Variants in USP49 observed in about 807,000 individuals in gnomAD.
USP49 encodes the protein ubiquitin specific peptidase 49.
USP49 carries 24 observed loss-of-function variants against 58.6 expected under a neutral mutation model. The ratio of observed to expected loss-of-function variants is 0.41; its 90% CI spans 0.30 to 0.58. The LOEUF is 0.58. USP49 is among the 20% of genes least tolerant of loss of function. The pLI, the probability that USP49 is intolerant of heterozygous loss-of-function variation, is 0.30. For missense variants in USP49, 703 were observed against 866.1 expected (o/e 0.81, Z 2.36); for synonymous variants, 408 against 365.1 (o/e 1.12, Z -1.34).
At chr6:41,893,619 C>A (rs1016324945) in intron 1 of USP49, among the ~76,000 whole-genome samples, 4 of 152,118 alleles carry the variant, frequency 2.6e-5, no homozygotes, top group African/African-American at 9.7e-5. Context: ...ATTATCACAA[C>A]ACTAGTGAAA....
At chr6:41,802,468 AT>A (rs1178634996) in intron 5 of USP49, among the ~76,000 whole-genome samples, 2,875 of 73,540 alleles carry the variant, frequency 0.039, 169 homozygotes, top group Admixed American at 0.11. Context: ...TTATTTATTT[AT>A]TTTTTATTTA....
rs1419508627 is a variant in USP49 at position 41,792,776 on chromosome 6, C to G, written c.*3757G>C. Reference sequence around the variant, plus strand: ...ATGTCCTTTAAACACTACACAGACCCATTTGCCACTTGAAATGACAAGAAG... The same window carrying G: ...ATGTCCTTTAAACACTACACAGACCGATTTGCCACTTGAAATGACAAGAAG... On this transcript the variant is annotated 3_prime_UTR_variant, in exon 8 of 8. Coordinates refer to ENST00000682992, the MANE Select transcript of USP49 (RefSeq NM_001286554.2). 2 of 152,236 alleles carry G rather than the reference C, an allele frequency of 1.3e-5. No homozygotes were observed. Among genetic ancestry groups the G allele is most frequent in the African/African-American group, 2.4e-5 (1 of 41,450 alleles). 9.4% of individuals were successfully genotyped at this position (152,236 alleles called of 1,614,324 possible).
intron 3 of USP49, among the ~76,000 whole-genome samples, chr6:41,865,342 G>A (rs969967194): frequency 3.9e-5 from 6 of 152,140 alleles, no homozygotes; most frequent in African/African-American, 1.4e-4. Flanking sequence ...ACAGCACCCA[G>A]CCCTCATTTT....
intron 3 of USP49, among the ~76,000 whole-genome samples, chr6:41,859,138 GC>G (rs1774178076): frequency 6.6e-6 from 1 of 152,140 alleles, no homozygotes. Context: ...CATTCTCACT[GC>G]CTTGGGGAGA....
At chr6:41,796,916 C>CCT (rs1374197312) in intron 7 of USP49, among the ~76,000 whole-genome samples, 193 bp from the exon 8 acceptor site, 1 of 151,836 alleles carries the variant, frequency 6.6e-6, no homozygotes, top group African/African-American at 2.4e-5. Flanking sequence ...CCCACCAAGC[C>CCT]CCACGGTACT....
At chr6:41,830,578 G>A (rs1322992325) in intron 3 of USP49, among the ~76,000 whole-genome samples, 2 of 152,224 alleles carry the variant, frequency 1.3e-5, no homozygotes, top group African/African-American at 2.4e-5. Context: ...TGTAATCTCA[G>A]TACTTTGGAA....
chr6:41,800,173 T>C (rs2127318364), intron 5 of USP49, among the ~76,000 whole-genome samples: 2 of 152,350 alleles, frequency 1.3e-5, no homozygotes, highest in Admixed American at 1.3e-4. Context: ...TGTGGGACTC[T>C]GCTTAGACAG....
At chr6:41,801,975 G>C (rs1280506008) in intron 5 of USP49, among the ~76,000 whole-genome samples, 1 of 151,198 alleles carries the variant, frequency 6.6e-6, no homozygotes, top group Non-Finnish European at 1.5e-5. Flanking sequence ...TGGAGTTAAA[G>C]CTGTTAATAT....
rs539084415 is a variant in USP49 at position 41,829,501 on chromosome 6, T to C, written c.-28-22490A>G. Among the ~76,000 whole-genome samples, 6 of 152,234 alleles carry C rather than the reference T, an allele frequency of 3.9e-5. No individual in the cohort carries two copies. In the South Asian group the frequency reaches 1.2e-3, roughly 32 times the overall value. ...GCTAATTTTGTATTTTTAGTAGAGA[T>C]GGGGTTTCTCCATGTTGGTCAGGCT... On this transcript the variant is annotated intron_variant, in intron 3 of 7. Transcript: ENST00000682992.
chr6:41,818,468 G>C lies in USP49; in HGVS notation c.-28-11457C>G, dbSNP rs1482951018. On this transcript the variant is annotated intron_variant, in intron 3 of 7. Transcript: ENST00000682992. ...TTGGCTGGGTAAGGATTAAGCTTCA[G>C]AGCTTAGTAGTTTGTGCTGCCTCCA... Among the ~76,000 whole-genome samples the C allele has an allele frequency of 2.6e-5, 4 of 152,164 alleles. No homozygotes were observed. In the South Asian group the frequency reaches 8.3e-4, roughly 31 times the overall value.
At chr6:41,798,004 A>C (rs1354887246) in intron 7 of USP49, 1 of 177,580 alleles carries the variant, frequency 5.6e-6, no homozygotes, top group African/African-American at 2.4e-5. Flanking sequence ...AGTAGCTAGG[A>C]TCACAGGTGC....
chr6:41,851,518 A>G (rs997292291), intron 3 of USP49, among the ~76,000 whole-genome samples: 6 of 152,250 alleles, frequency 3.9e-5, no homozygotes, highest in Non-Finnish European at 7.3e-5. Context: ...AAACCCTCAC[A>G]GATAATATCA....
intron 3 of USP49, among the ~76,000 whole-genome samples, chr6:41,846,992 G>C (rs964153365): frequency 1.3e-5 from 2 of 152,188 alleles, no homozygotes; most frequent in African/African-American, 4.8e-5. Context: ...CAAGAGGTCA[G>C]AAAAAGGTTG....
chr6:41,799,824 G>A lies in USP49; in HGVS notation c.1670+6C>T. On this transcript the variant is annotated splice_donor_region_variant and intron_variant, in intron 6 of 7. Transcript: ENST00000682992. Reference sequence around the variant, plus strand: ...CACCCAGCTGGGACTCCCACAGCAAGCTCACCTGAATCTTTTAAGGTGCAG... The same window carrying A: ...CACCCAGCTGGGACTCCCACAGCAAACTCACCTGAATCTTTTAAGGTGCAG... 1 of 1,612,886 alleles carries A rather than the reference G, an allele frequency of 6.2e-7. No homozygotes were observed. The highest frequency in any genetic ancestry group is 2.2e-5 in the East Asian group (1 of 44,878).
intron 2 of USP49, among the ~76,000 whole-genome samples, chr6:41,884,479 A>G (rs781081777): frequency 5.3e-5 from 8 of 152,220 alleles, no homozygotes; most frequent in Non-Finnish European, 7.3e-5. Context: ...CAAAAGAATC[A>G]GTAAGTATTT....
intron 2 of USP49, among the ~76,000 whole-genome samples, chr6:41,879,680 A>G (rs1009518926): frequency 2.0e-5 from 3 of 152,206 alleles, no homozygotes; most frequent in Non-Finnish European, 4.4e-5. Context: ...CCACCAGTCT[A>G]AAAAAGATGG....
intron 2 of USP49, among the ~76,000 whole-genome samples, chr6:41,882,058 T>A (rs1472902057): frequency 2.6e-5 from 4 of 151,430 alleles, no homozygotes; most frequent in African/African-American, 9.7e-5. Flanking sequence ...GATAGTTATA[T>A]CAATTTTGAA....
At chr6:41,808,091 T>TG (rs1554143287) in intron 3 of USP49, among the ~76,000 whole-genome samples, 1 of 152,174 alleles carries the variant, frequency 6.6e-6, no homozygotes, top group Non-Finnish European at 1.5e-5. Context: ...TCCGTCTTTT[T>TG]GAAAAGAACA....
chr6:41,806,162 G>C lies in USP49; in HGVS notation c.822C>G (p.Leu274=). The change falls in exon 4 of 8, where the codon CTC becomes CTG. Residue 274 remains leucine (L), a synonymous_variant. Coordinates refer to ENST00000682992, the MANE Select transcript of USP49 (RefSeq NM_001286554.2). This position sits in a 1 kb window ranked among gnomAD's most constrained non-coding sequence, Gnocchi z 5.9. ...MNSILQVLSH[L]QKFRECFLNL... Reference sequence around the variant, plus strand: ...TGAGGAAACATTCTCGGAACTTCTGGAGGTGGCTGAGCACCTGGAGGATGG... The same window carrying C: ...TGAGGAAACATTCTCGGAACTTCTGCAGGTGGCTGAGCACCTGGAGGATGG... 2 of 1,613,518 alleles carry C rather than the reference G, an allele frequency of 1.2e-6. No homozygotes were observed. The highest frequency in any genetic ancestry group is 1.7e-6 in the Non-Finnish European group (2 of 1,180,038).
Sources: gnomAD v4.1 joint callset for allele counts (sites outside exome capture counted in the v4.1 genomes callset) on GRCh38, gnomAD v4.1.1 for gene constraint, Gnocchi (gnomAD v3.1) non-coding constraint, MANE v1.5 for transcripts, NCBI Gene and HGNC (gene_info 2026-07-23, HGNC 2026-07-21) for gene names.